Variants in GPR107 observed in about 807,000 individuals in gnomAD.
The protein encoded by GPR107 is G protein-coupled receptor 107.
A neutral mutation model predicts 75.5 loss-of-function variants in GPR107; 31 were observed. That is an observed-to-expected ratio of 0.41 (90% CI 0.31 to 0.55). The LOEUF (loss-of-function observed/expected upper bound fraction) is 0.55, where lower values mean the gene tolerates loss of function less well. Ranked by LOEUF, GPR107 falls within the 20% of genes least tolerant of loss-of-function variation. The pLI is 0.26. For missense variants in GPR107, 572 were observed against 665.7 expected (o/e 0.86, Z 1.55); for synonymous variants, 267 against 251.3 (o/e 1.06, Z -0.59).
In GPR107 at chr9:130,139,751, G is replaced by C. The variant is rs1359790974; in HGVS notation, c.*4630G>C. 1.3e-5 allele frequency: 2 copies of C among 152,310 alleles called. No homozygotes were observed. Among genetic ancestry groups the C allele is most frequent in the Non-Finnish European group, 2.9e-5 (2 of 68,112 alleles). The allele number at this position is 152,310 out of a possible 1,614,324, so 9.4% of individuals were successfully genotyped here. A position where few individuals can be genotyped will look rare whatever the true frequency, so the allele number is the denominator to read the frequency against. On this transcript the variant is annotated 3_prime_UTR_variant, in exon 18 of 18. Transcript: ENST00000347136. ...GGCAAGGTTTTGGATTTTGGAGGAA[G>C]CAGCCAGATGAGGCGGTGAGCCTCC... is the stretch of plus-strand genomic sequence containing the variant.
At chr9:130,111,313 A>G (rs193000805) in intron 14 of GPR107, among the ~76,000 whole-genome samples, 36 of 152,108 alleles carry the variant, frequency 2.4e-4, no homozygotes, top group South Asian at 1.9e-3. Context: ...TACCAAAACC[A>G]CACAAAAAAC....
In GPR107 at chr9:130,138,062, C is replaced by G. The variant is rs528904884; in HGVS notation, c.*2941C>G. 2.0e-5 allele frequency: 3 copies of G among 152,314 alleles called. No individual in the cohort carries two copies. Among genetic ancestry groups the G allele is most frequent in the South Asian group, 4.1e-4 (2 of 4,830 alleles). 9.4% of individuals were successfully genotyped at this position (152,314 alleles called of 1,614,324 possible). On this transcript the variant is annotated 3_prime_UTR_variant, in exon 18 of 18. Transcript: ENST00000347136. ...AGTCATTGATCTGTAAATCCTGGCT[C>G]TTAACAGTGAGTGGCCAAGGACTTG... is the stretch of plus-strand genomic sequence containing the variant.
At chr9:130,134,784 G>A (rs1554899681) in intron 17 of GPR107, among the ~76,000 whole-genome samples, 1 of 152,216 alleles carries the variant, frequency 6.6e-6, no homozygotes, top group East Asian at 1.9e-4. Flanking sequence ...TAGGCACTCT[G>A]GAGAATCTCA....
chr9:130,094,207 G>A (rs59767323), intron 9 of GPR107, among the ~76,000 whole-genome samples: 1 of 152,200 alleles, frequency 6.6e-6, no homozygotes, highest in Non-Finnish European at 1.5e-5. Flanking sequence ...CACTTTGGGA[G>A]GCCGAGGTGG....
chr9:130,116,445 G>A (rs1475084517), intron 14 of GPR107, among the ~76,000 whole-genome samples: 1 of 152,218 alleles, frequency 6.6e-6, no homozygotes, highest in African/African-American at 2.4e-5. Context: ...TCAAGCATTG[G>A]GAAGTCTGAC....
At position 130,124,911 on chromosome 9, in the gene GPR107, C is replaced by G. The variant is rs750021919; in HGVS notation, c.1307-4C>G. ...CTCTTCATTTTGTTCTTTCTTCTCT[C>G]TAGCTGCTATTAACTTAGCAAAGCT... On this transcript the variant is annotated splice_polypyrimidine_tract_variant and splice_region_variant and intron_variant, in intron 14 of 17. Transcript: ENST00000347136. 8 of 1,545,272 alleles carry G rather than the reference C, an allele frequency of 5.2e-6. No individual in the cohort carries two copies. The East Asian group carries it at 1.4e-4, about 26-fold the overall frequency.
chr9:130,073,811 C>T (rs1659636393), intron 1 of GPR107, among the ~76,000 whole-genome samples: 1 of 152,138 alleles, frequency 6.6e-6, no homozygotes, highest in Non-Finnish European at 1.5e-5. Context: ...GCTGGAGTGC[C>T]ATGGCACGAT....
chr9:130,081,183 T>G (rs976964338), intron 5 of GPR107, among the ~76,000 whole-genome samples: 6 of 152,006 alleles, frequency 3.9e-5, no homozygotes, highest in Non-Finnish European at 8.8e-5. Flanking sequence ...GCAGCCTGGA[T>G]GACAGAACAA....
chr9:130,083,300 CAT>C (rs1185048748), intron 5 of GPR107: 4 of 279,308 alleles, frequency 1.4e-5, no homozygotes, highest in Non-Finnish European at 1.3e-5. Context: ...CTGGCAATAA[CAT>C]AAGCTAGAAT....
intron 17 of GPR107, chr9:130,133,136 C>T (rs1831869555): frequency 6.6e-6 from 1 of 152,218 alleles, no homozygotes; most frequent in African/African-American, 2.4e-5. Context: ...ACCATCTCTT[C>T]TCCTGGGCTG....
Position 130,091,580 on chromosome 9 carries a change from G to A in GPR107, c.729+597G>A, listed in dbSNP as rs528346184. Among the ~76,000 whole-genome samples, 564 of 149,600 alleles carry A rather than the reference G, an allele frequency of 3.8e-3. 2 individuals carry two copies. Among genetic ancestry groups the A allele is most frequent in the Non-Finnish European group, 6.5e-3 (437 of 67,676 alleles). On this transcript the variant is annotated intron_variant, in intron 8 of 17. Transcript: ENST00000347136. ...TTTCATTCTTGTTGCCCAGGCTGGA[G>A]TGCAATGGCATGATCTTGCCTCACC...
At chr9:130,109,830 A>C (rs952253509) in intron 14 of GPR107, among the ~76,000 whole-genome samples, 1 of 152,190 alleles carries the variant, frequency 6.6e-6, no homozygotes, top group East Asian at 1.9e-4. Flanking sequence ...CGGCCTCCCA[A>C]AGTGCTGGGA....
intron 17 of GPR107, among the ~76,000 whole-genome samples, chr9:130,134,372 A>G (rs1480241984): frequency 6.6e-6 from 1 of 152,212 alleles, no homozygotes; most frequent in Non-Finnish European, 1.5e-5. Context: ...CTTGATTTCA[A>G]CGAATGGCTC....
chr9:130,084,253 C>T (rs1050239698), intron 6 of GPR107, among the ~76,000 whole-genome samples: 13 of 151,188 alleles, frequency 8.6e-5, no homozygotes, highest in African/African-American at 3.2e-4. Context: ...CAAAAATTAG[C>T]TGGGCTTGGT....
chr9:130,110,497 A>G, intron 14 of GPR107: 1 of 771,950 alleles, frequency 1.3e-6, no homozygotes, highest in Non-Finnish European at 2.3e-6. Flanking sequence ...CTCATCAGCA[A>G]ATATCACAAA....
chr9:130,132,208 C>A (rs1254710650), intron 17 of GPR107, among the ~76,000 whole-genome samples: 2 of 152,170 alleles, frequency 1.3e-5, no homozygotes, highest in Non-Finnish European at 2.9e-5. Flanking sequence ...CCTTCCTGTC[C>A]ATTCTCCCGG....
At chr9:130,102,418 G>A (rs28427215) in intron 12 of GPR107, among the ~76,000 whole-genome samples, 35,513 of 151,988 alleles carry the variant, frequency 0.23, 4,299 homozygotes, top group Non-Finnish European at 0.28. Context: ...CCAGGCTGTC[G>A]TGGGGCATAG....
At chr9:130,086,616 C>A in intron 7 of GPR107, 140 bp downstream of exon 7, 1 of 641,858 alleles carries the variant, frequency 1.6e-6, no homozygotes, top group Non-Finnish European at 2.8e-6. Flanking sequence ...AGTAGCTCTC[C>A]TTATAACAAG....
chr9:130,085,754 A>ATTTTTTTT lies in GPR107; in HGVS notation c.565-656_565-649dup, dbSNP rs71387311. On this transcript the variant is annotated intron_variant, in intron 6 of 17. Transcript: ENST00000347136. ...TTACTGTATAAATGGCAATATTTTGATTTTTTTTTTTTTTTTTGCCGGGGG... is the reference window on the plus strand; with the variant it reads ...TTACTGTATAAATGGCAATATTTTGATTTTTTTTTTTTTTTTTTTTTTTTTGCCGGGGG... Among the ~76,000 whole-genome samples, 687 of 78,618 alleles carry ATTTTTTTT rather than the reference A, an allele frequency of 8.7e-3. 125 individuals are homozygous for ATTTTTTTT. The highest frequency in any genetic ancestry group is 0.011 in the Non-Finnish European group (471 of 42,264). The allele number at this position is 78,618 out of a possible 152,430, so 51.6% of individuals were successfully genotyped here. A position where few individuals can be genotyped will look rare whatever the true frequency, so the allele number is the denominator to read the frequency against.
Sources: gnomAD v4.1 joint callset for allele counts (sites outside exome capture counted in the v4.1 genomes callset) on GRCh38, gnomAD v4.1.1 for gene constraint, MANE v1.5 for transcripts, NCBI Gene and HGNC (gene_info 2026-07-23, HGNC 2026-07-21) for gene names.